Variants in GPHN observed in about 807,000 individuals in gnomAD.
GPHN encodes gephyrin.
Under a neutral mutation model 95.5 loss-of-function variants are expected in GPHN, and 17 were observed. The observed-to-expected ratio is 0.18, with a 90% confidence interval of 0.12 to 0.27. The LOEUF is 0.27. Among genes scored for constraint, GPHN ranks in the 10% least tolerant of loss-of-function variants. The pLI, the probability that GPHN is intolerant of heterozygous loss-of-function variation, is 1.00. For synonymous variants in GPHN, 320 were observed against 322.5 expected, an observed-to-expected ratio of 0.99 and a Z score of 0.08; for missense variants, 660 against 978.1, an observed-to-expected ratio of 0.67 and a Z score of 4.34.
chr14:67,247,839 A>C, the GPHN span, among the ~76,000 whole-genome samples: 1 of 152,102 alleles, frequency 6.6e-6, no homozygotes, highest in Non-Finnish European at 1.5e-5. Flanking sequence ...TCAGCCTCCC[A>C]AAGTGCTGGG....
At chr14:67,422,964 T>G in the GPHN span, among the ~76,000 whole-genome samples, 1 of 151,922 alleles carries the variant, frequency 6.6e-6, no homozygotes, top group African/African-American at 2.4e-5. Flanking sequence ...CCCGAGTAGC[T>G]GGGATTACAG....
the GPHN span, among the ~76,000 whole-genome samples, chr14:67,422,461 G>A: frequency 3.4e-4 from 52 of 152,286 alleles, no homozygotes; most frequent in South Asian, 2.7e-3. Flanking sequence ...TTTTAGCCAC[G>A]CAACTCACCG....
chr14:66,572,571 T>G (rs1357494352), intron 1 of GPHN, among the ~76,000 whole-genome samples: 2 of 152,084 alleles, frequency 1.3e-5, no homozygotes, highest in African/African-American at 4.8e-5. Context: ...GATATTTTGT[T>G]GTTAGTGTAT....
chr14:67,239,225 G>C, the GPHN span, among the ~76,000 whole-genome samples: 1 of 152,064 alleles, frequency 6.6e-6, no homozygotes, highest in South Asian at 2.1e-4. Flanking sequence ...TGGAAGTTAC[G>C]GATAAAGATA....
At chr14:66,650,066 T>C (rs1411160565) in intron 1 of GPHN, among the ~76,000 whole-genome samples, 1 of 148,696 alleles carries the variant, frequency 6.7e-6, no homozygotes, top group Non-Finnish European at 1.5e-5. Context: ...AATGATGAGA[T>C]AGCAGAAGAC....
chr14:67,582,324 A>T, the GPHN span: 1 of 1,552,870 alleles, frequency 6.4e-7, no homozygotes, highest in Non-Finnish European at 8.7e-7. The surrounding 1 kb of genome is among the most constrained non-coding windows in gnomAD (Gnocchi z 5.0). Context: ...AGGAGAGGGC[A>T]GCTTTGCCAT....
At chr14:67,391,572 G>A in the GPHN span, among the ~76,000 whole-genome samples, 1 of 152,210 alleles carries the variant, frequency 6.6e-6, no homozygotes. Context: ...CATGCTCCGA[G>A]TAACGATGGG....
chr14:67,253,435 T>C, the GPHN span, among the ~76,000 whole-genome samples: 289 of 152,354 alleles, frequency 1.9e-3, no homozygotes, highest in Non-Finnish European at 3.5e-3. Context: ...AGTTTACTTA[T>C]ATAGTGAGAT....
At chr14:67,252,018 C>G in the GPHN span, among the ~76,000 whole-genome samples, 2 of 152,210 alleles carry the variant, frequency 1.3e-5, no homozygotes, top group African/African-American at 4.8e-5. Flanking sequence ...TGCTGGGAGG[C>G]TGGTTTGACT....
At chr14:66,635,705 A>G (rs2078112624) in intron 1 of GPHN, among the ~76,000 whole-genome samples, 1 of 152,204 alleles carries the variant, frequency 6.6e-6, no homozygotes, top group Non-Finnish European at 1.5e-5. Context: ...CTTATCAGCA[A>G]AAGAAAGGAA....
At chr14:66,885,193 A>G (rs547940431) in intron 5 of GPHN, among the ~76,000 whole-genome samples, 1 of 152,060 alleles carries the variant, frequency 6.6e-6, no homozygotes, top group Non-Finnish European at 1.5e-5. Context: ...CCCACACCAA[A>G]TATACTTAGC....
At position 66,508,500 on chromosome 14, in the gene GPHN, T is replaced by C. The variant is rs756552331; in HGVS notation, c.-28T>C. 2 of 1,610,762 alleles carry C rather than the reference T, an allele frequency of 1.2e-6. No homozygotes were observed. Among genetic ancestry groups the C allele is most frequent in the Non-Finnish European group, 1.7e-6 (2 of 1,176,952 alleles). Reference sequence around the variant, plus strand: ...CCGGGCTCCGGTTTCTCCCGGCTCCTGTCAGTGCGGTGACTGCGCTGGGAA... The same window carrying C: ...CCGGGCTCCGGTTTCTCCCGGCTCCCGTCAGTGCGGTGACTGCGCTGGGAA... On this transcript the variant is annotated 5_prime_UTR_variant, in exon 1 of 23. Transcript: ENST00000478722.
chr14:67,490,488 C>T, the GPHN span, among the ~76,000 whole-genome samples: 18 of 152,228 alleles, frequency 1.2e-4, no homozygotes, highest in African/African-American at 3.6e-4. Context: ...ATAACAACTC[C>T]TGTTCTGTTA....
intron 1 of GPHN, among the ~76,000 whole-genome samples, chr14:66,652,885 T>C (rs929840904): frequency 3.3e-5 from 5 of 152,096 alleles, no homozygotes; most frequent in African/African-American, 1.2e-4. Flanking sequence ...TGGGAATAGG[T>C]GCCTATGGTT....
chr14:67,259,385 C>A, the GPHN span, among the ~76,000 whole-genome samples: 1 of 151,774 alleles, frequency 6.6e-6, no homozygotes, highest in East Asian at 2.0e-4. Flanking sequence ...CCAAGGCAGG[C>A]GGATCACTTG....
chr14:67,309,417 C>G, the GPHN span, among the ~76,000 whole-genome samples: 1 of 152,040 alleles, frequency 6.6e-6, no homozygotes, highest in Non-Finnish European at 1.5e-5. Flanking sequence ...TTAATAAGAG[C>G]CTTTTCCTCT....
chr14:67,028,599 C>T (rs575202744), intron 10 of GPHN, among the ~76,000 whole-genome samples: 1 of 152,050 alleles, frequency 6.6e-6, no homozygotes, highest in African/African-American at 2.4e-5. Context: ...TTTTGATTTG[C>T]ATTTCTCTGA....
the GPHN span, among the ~76,000 whole-genome samples, chr14:67,432,921 C>G: frequency 6.6e-6 from 1 of 152,120 alleles, no homozygotes; most frequent in South Asian, 2.1e-4. Flanking sequence ...AGGGCCCACC[C>G]TCATCTAGGT....
At chr14:67,030,938 C>A (rs1327954582) in intron 10 of GPHN, among the ~76,000 whole-genome samples, 1 of 152,104 alleles carries the variant, frequency 6.6e-6, no homozygotes, top group Non-Finnish European at 1.5e-5. Context: ...AGTATGGGAA[C>A]AGAAAAGGAA....
Sources: allele counts gnomAD v4.1 joint callset (sites outside exome capture counted in the v4.1 genomes callset), GRCh38; gene constraint gnomAD v4.1.1; non-coding constraint Gnocchi (gnomAD v3.1); transcripts MANE v1.5; gene names NCBI Gene and HGNC (gene_info 2026-07-23, HGNC 2026-07-21).